FOXP1: variants seen among roughly 807,000 people sequenced by gnomAD.
The protein encoded by FOXP1 is forkhead box P1.
Under a neutral mutation model 98.2 loss-of-function variants are expected in FOXP1, and 15 were observed. The ratio of observed to expected loss-of-function variants is 0.15; its 90% CI spans 0.10 to 0.24. The LOEUF is 0.24. Among genes scored for constraint, FOXP1 ranks in the 10% least tolerant of loss-of-function variants. The probability of loss-of-function intolerance (pLI) is 1.00; values close to 1 mark genes in which losing one functional copy is unlikely to be tolerated. For missense variants in FOXP1, 633 were observed against 848.5 expected, an observed-to-expected ratio of 0.75 and a Z score of 3.15; for synonymous variants, 371 against 314.5, an observed-to-expected ratio of 1.18 and a Z score of -1.90.
rs190573211 is a variant in FOXP1 at position 71,053,020 on chromosome 3, G to A, written c.421-394C>T. ...GTGCATGGACAGCCTGGGAGCTTCC[G>A]CTGCATCCTGTCCCCACCACCCCAG... On this transcript the variant is annotated intron_variant, in intron 8 of 20. Coordinates refer to ENST00000649528, the MANE Select transcript of FOXP1 (RefSeq NM_001349338.3). 2.6e-5 allele frequency among the ~76,000 whole-genome samples: 4 copies of A among 152,180 alleles called. No homozygotes were observed. The East Asian group carries it at 5.8e-4, about 22-fold the overall frequency.
intron 5 of FOXP1, among the ~76,000 whole-genome samples, chr3:71,250,593 T>C (rs2068104304): frequency 6.6e-6 from 1 of 152,200 alleles, no homozygotes; most frequent in African/African-American, 2.4e-5. Flanking sequence ...TCATTAAAAA[T>C]TGTATTTTCT....
intron 19 of FOXP1, chr3:70,966,264 C>T: frequency 3.4e-6 from 2 of 587,042 alleles, no homozygotes; most frequent in South Asian, 3.7e-5. Context: ...TAACTGGGGG[C>T]CAGGGGGGAC....
chr3:71,170,937 A>C (rs182647183), intron 6 of FOXP1, among the ~76,000 whole-genome samples: 2 of 152,086 alleles, frequency 1.3e-5, no homozygotes, highest in East Asian at 3.9e-4. Flanking sequence ...TTTTTGTTTG[A>C]GTTTTCACTC....
chr3:71,291,497 G>A (rs2072741457), intron 5 of FOXP1, among the ~76,000 whole-genome samples: 1 of 152,084 alleles, frequency 6.6e-6, no homozygotes, highest in Non-Finnish European at 1.5e-5. Context: ...ACTGGACAGG[G>A]GAGGTCAAGC....
intron 7 of FOXP1, among the ~76,000 whole-genome samples, chr3:71,080,783 A>C (rs1395273026): frequency 1.3e-5 from 2 of 152,206 alleles, no homozygotes; most frequent in Non-Finnish European, 2.9e-5. Context: ...AGCCTTCTAC[A>C]GATGAAGTCA....
chr3:70,961,114 G>A (rs1299101032), intron 20 of FOXP1, among the ~76,000 whole-genome samples: 1 of 151,880 alleles, frequency 6.6e-6, no homozygotes, highest in Non-Finnish European at 1.5e-5. Flanking sequence ...TTACAGGCGT[G>A]AGCCACTGCG....
At chr3:70,985,457 C>T (rs2039578448) in intron 14 of FOXP1, among the ~76,000 whole-genome samples, 1 of 151,994 alleles carries the variant, frequency 6.6e-6, no homozygotes, top group Admixed American at 6.6e-5. Flanking sequence ...AATTAATTTC[C>T]CAATGCCTCA....
chr3:71,306,162 T>C (rs1309095351), intron 4 of FOXP1: 3 of 152,214 alleles, frequency 2.0e-5, no homozygotes, highest in Admixed American at 1.3e-4. Context: ...CGCTGTGCCT[T>C]CTACCTGTCC....
At chr3:71,445,653 TAATAGATATAAATATCTATC>T (rs1466518199) in intron 3 of FOXP1, among the ~76,000 whole-genome samples, 2 of 152,116 alleles carry the variant, frequency 1.3e-5, no homozygotes, top group African/African-American at 4.8e-5. Context: ...GGCATATTAA[TAATAGATATAAATATCTATC>T]AATAGATATT....
chr3:71,109,139 C>T (rs753351263), intron 7 of FOXP1, among the ~76,000 whole-genome samples: 1 of 152,118 alleles, frequency 6.6e-6, no homozygotes, highest in Non-Finnish European at 1.5e-5. Flanking sequence ...ATTAATAAAC[C>T]ACATCACCCA....
chr3:71,301,190 A>G (rs1430443960), intron 4 of FOXP1, among the ~76,000 whole-genome samples: 1 of 152,200 alleles, frequency 6.6e-6, no homozygotes, highest in Admixed American at 6.5e-5. Context: ...TAAAATTACT[A>G]TTTTGCAGCC....
intron 4 of FOXP1, among the ~76,000 whole-genome samples, chr3:71,305,478 G>C (rs1021840233): frequency 2.6e-5 from 4 of 152,186 alleles, no homozygotes; most frequent in African/African-American, 9.7e-5. Context: ...GACCTTCGGG[G>C]AGGACCCTGG....
chr3:71,540,460 G>A (rs2044708067), intron 2 of FOXP1, among the ~76,000 whole-genome samples: 1 of 152,152 alleles, frequency 6.6e-6, no homozygotes, highest in East Asian at 1.9e-4. Context: ...GGCTAAATAT[G>A]GCATTTATCA....
chr3:71,114,070 T>C (rs2058165917), intron 6 of FOXP1, among the ~76,000 whole-genome samples: 1 of 152,228 alleles, frequency 6.6e-6, no homozygotes, highest in Non-Finnish European at 1.5e-5. Flanking sequence ...TAATAATTTC[T>C]ATATGGTAAC....
intron 7 of FOXP1, among the ~76,000 whole-genome samples, chr3:71,078,288 T>G (rs988234264): frequency 3.3e-5 from 5 of 152,222 alleles, no homozygotes; most frequent in Non-Finnish European, 7.3e-5. Flanking sequence ...GAATATTCAG[T>G]GAGAAGCATC....
chr3:71,080,961 T>C (rs1224887154), intron 7 of FOXP1, among the ~76,000 whole-genome samples: 1 of 152,258 alleles, frequency 6.6e-6, no homozygotes, highest in Non-Finnish European at 1.5e-5. Flanking sequence ...TGTCTCTCAC[T>C]GGGTGATCTT....
At chr3:71,082,687 T>G (rs2107534900) in intron 7 of FOXP1, among the ~76,000 whole-genome samples, 1 of 152,162 alleles carries the variant, frequency 6.6e-6, no homozygotes, top group South Asian at 2.1e-4. Flanking sequence ...GTAAGTTTAT[T>G]ATATAAACTT....
Position 71,053,710 on chromosome 3 carries a change from G to A in FOXP1, c.346C>T (p.Leu116Phe), listed in dbSNP as rs2107136256. Residue 116 changes from leucine to phenylalanine, a missense_variant, in exon 8 of 21, where the codon CTC (leucine) becomes TTC (phenylalanine). Leu to Phe is a conservative substitution (Grantham distance 22). This residue lies in a region of FOXP1 where 210 missense variants were observed against 270.6 expected (regional missense o/e 0.78). Transcript: ENST00000649528. ...VITPQQMQQI[L>F]QQQVLSPQQL... ...TGAGGGCTCAGCACTTGTTGCTGGA[G>A]GATCTGCTGCATTTGCTGGGGAGTG... The A allele has an allele frequency of 6.8e-6, 11 of 1,614,122 alleles. No homozygotes were observed. The highest frequency in any genetic ancestry group is 9.3e-6 in the Non-Finnish European group (11 of 1,180,000).
intron 3 of FOXP1, among the ~76,000 whole-genome samples, chr3:71,412,203 T>TTAG (rs1326190700): frequency 6.6e-6 from 1 of 150,890 alleles, no homozygotes; most frequent in African/African-American, 2.5e-5. Flanking sequence ...ACACCTAGAC[T>TTAG]TGCTCCTGGC....
Sources: allele counts gnomAD v4.1 joint callset (sites outside exome capture counted in the v4.1 genomes callset), GRCh38; gene constraint gnomAD v4.1.1; regional missense constraint gnomAD v4.1.1; transcripts MANE v1.5; gene names NCBI Gene and HGNC (gene_info 2026-07-23, HGNC 2026-07-21).